Variants in CCSER1 observed in about 807,000 individuals in gnomAD.
CCSER1 encodes coiled-coil serine rich protein 1.
Under a neutral mutation model 82.0 loss-of-function variants are expected in CCSER1, and 41 were observed. The ratio of observed to expected loss-of-function variants is 0.50; its 90% CI spans 0.39 to 0.65. The LOEUF is 0.65. Among genes scored for constraint, CCSER1 ranks in the 30% least tolerant of loss-of-function variants. The pLI, the probability that CCSER1 is intolerant of heterozygous loss-of-function variation, is 0.00. For synonymous variants in CCSER1, 414 were observed against 383.9 expected (o/e 1.08, Z -0.92); for missense variants, 1,119 against 1,064.2 (o/e 1.05, Z -0.72).
At chr4:90,347,068 A>G (rs577053952) in intron 3 of CCSER1, among the ~76,000 whole-genome samples, 152 of 152,236 alleles carry the variant, frequency 1.0e-3, no homozygotes, top group African/African-American at 3.6e-3. Flanking sequence ...TAAAGAAATA[A>G]GGTTATTTTG....
intron 10 of CCSER1, among the ~76,000 whole-genome samples, chr4:91,574,741 TAGGG>T: frequency 6.6e-6 from 1 of 151,838 alleles, no homozygotes; most frequent in African/African-American, 2.4e-5. Context: ...CCAGGGACAT[TAGGG>T]AGGGAGGAGG....
rs573076107 is a variant in CCSER1, at chr4:90,997,020, T to C, written c.2172+73573T>C. Among the ~76,000 whole-genome samples the C allele has an allele frequency of 5.9e-5, 9 of 152,300 alleles. No individual in the cohort carries two copies. The East Asian group carries it at 1.7e-3, about 29-fold the overall frequency. ...TTTCTCTGAAGTAAATACCCAAGAA[T>C]ACAATTGCTGGACTCTATGGTGTAT... On this transcript the variant is annotated intron_variant, in intron 9 of 10. Coordinates refer to ENST00000509176, the MANE Select transcript of CCSER1 (RefSeq NM_001145065.2).
intron 10 of CCSER1, among the ~76,000 whole-genome samples, chr4:91,506,382 GT>G (rs945634580): frequency 6.6e-6 from 1 of 151,546 alleles, no homozygotes; most frequent in Non-Finnish European, 1.5e-5. Flanking sequence ...CTCCAGCTTT[GT>G]TTTTTTGTTT....
chr4:91,480,857 T>C (rs1032800508), intron 10 of CCSER1, among the ~76,000 whole-genome samples: 5 of 152,186 alleles, frequency 3.3e-5, no homozygotes, highest in African/African-American at 4.8e-5. Context: ...TCAATCACTA[T>C]TGAATTCAAA....
At chr4:91,207,476 T>A (rs1358235216) in intron 10 of CCSER1, among the ~76,000 whole-genome samples, 1 of 151,768 alleles carries the variant, frequency 6.6e-6, no homozygotes, top group Non-Finnish European at 1.5e-5. Flanking sequence ...TGAGAACACA[T>A]GGTATTTGGT....
intron 10 of CCSER1, among the ~76,000 whole-genome samples, chr4:91,221,503 AT>A (rs1444077729): frequency 6.6e-6 from 1 of 152,162 alleles, no homozygotes; most frequent in Non-Finnish European, 1.5e-5. Context: ...GGTTATGCAC[AT>A]TTTCTGAGAA....
At chr4:91,354,597 C>T (rs940601005) in intron 10 of CCSER1, among the ~76,000 whole-genome samples, 14 of 152,160 alleles carry the variant, frequency 9.2e-5, no homozygotes, top group African/African-American at 2.2e-4. Flanking sequence ...ACAACTAAAC[C>T]GCCTTACAGG....
rs1278737014 is a variant in CCSER1 at position 91,471,985 on chromosome 4, A to G, written c.2218-126587A>G. Among the ~76,000 whole-genome samples the G allele has an allele frequency of 1.5e-4, 23 of 150,404 alleles. 1 individual carries two copies. In the South Asian group the frequency reaches 2.5e-3, roughly 16 times the overall value. On this transcript the variant is annotated intron_variant, in intron 10 of 10. Transcript: ENST00000509176. ...ACTCCATCTCAAAAAAAAAAAAAAA[A>G]AGAAAAAAAAGAAAAAAACTAAAGA...
Position 91,245,464 on chromosome 4 carries a change from C to T in CCSER1, c.2217+159470C>T, listed in dbSNP as rs1237764171. 2.6e-5 allele frequency among the ~76,000 whole-genome samples: 4 copies of T among 152,084 alleles called. No individual in the cohort carries two copies. In the East Asian group the frequency reaches 5.8e-4, roughly 22 times the overall value. ...TCTAATAGCAGACTTTTAGTGGAAACCTTACAGGCCAGGAGAGAGTGATAT... is the reference window on the plus strand; with the variant it reads ...TCTAATAGCAGACTTTTAGTGGAAATCTTACAGGCCAGGAGAGAGTGATAT... On this transcript the variant is annotated intron_variant, in intron 10 of 10. Coordinates refer to ENST00000509176, the MANE Select transcript of CCSER1 (RefSeq NM_001145065.2).
intron 7 of CCSER1, among the ~76,000 whole-genome samples, chr4:90,771,800 T>C (rs1752223238): frequency 6.6e-6 from 1 of 152,114 alleles, no homozygotes; most frequent in Admixed American, 6.5e-5. Context: ...AACACAGCTT[T>C]GTGTGGTGTA....
chr4:90,187,537 C>A (rs1379764477), intron 1 of CCSER1, among the ~76,000 whole-genome samples: 2 of 151,664 alleles, frequency 1.3e-5, no homozygotes, highest in Non-Finnish European at 2.9e-5. Flanking sequence ...GCTGTGGAAG[C>A]TACAATTAAA....
chr4:90,697,480 A>G (rs899971977), intron 6 of CCSER1, among the ~76,000 whole-genome samples: 4 of 152,168 alleles, frequency 2.6e-5, no homozygotes, highest in African/African-American at 9.7e-5. Context: ...AAAATAAACC[A>G]TTCTTTGTCC....
chr4:90,304,458 C>T (rs1480060401), intron 1 of CCSER1, among the ~76,000 whole-genome samples: 1 of 152,134 alleles, frequency 6.6e-6, no homozygotes, highest in Non-Finnish European at 1.5e-5. Context: ...CCATGGAATA[C>T]TATGCAGCCA....
At chr4:90,877,328 G>T (rs988495994) in intron 8 of CCSER1, among the ~76,000 whole-genome samples, 1 of 152,116 alleles carries the variant, frequency 6.6e-6, no homozygotes. Flanking sequence ...TTTTGGAGTC[G>T]ATTTGAATAA....
intron 9 of CCSER1, among the ~76,000 whole-genome samples, chr4:90,947,164 G>A (rs1342456614): frequency 1.3e-5 from 2 of 152,156 alleles, no homozygotes; most frequent in Non-Finnish European, 2.9e-5. Context: ...GGAGCAAGGA[G>A]GAGCAAATCA....
At chr4:90,824,185 T>C (rs1760131844) in intron 8 of CCSER1, among the ~76,000 whole-genome samples, 1 of 152,072 alleles carries the variant, frequency 6.6e-6, no homozygotes, top group South Asian at 2.1e-4. Context: ...ACCTACTGTG[T>C]TCTCACTCAA....
intron 1 of CCSER1, among the ~76,000 whole-genome samples, chr4:90,214,229 T>C (rs914272915): frequency 1.3e-5 from 2 of 152,100 alleles, no homozygotes; most frequent in Non-Finnish European, 2.9e-5. Context: ...GGAGATTACA[T>C]GGACAGAGTT....
chr4:91,297,110 T>G (rs1002018467), intron 10 of CCSER1, among the ~76,000 whole-genome samples: 15 of 151,780 alleles, frequency 9.9e-5, no homozygotes, highest in African/African-American at 3.6e-4. Context: ...TAAATGAGGC[T>G]TGGAAAGTAA....
intron 1 of CCSER1, among the ~76,000 whole-genome samples, chr4:90,206,553 G>A (rs529040991): frequency 6.4e-4 from 97 of 152,168 alleles, no homozygotes; most frequent in African/African-American, 2.2e-3. Context: ...TTGCACTGTG[G>A]TCTGACAGAC....
Sources: allele counts gnomAD v4.1 joint callset (sites outside exome capture counted in the v4.1 genomes callset), GRCh38; gene constraint gnomAD v4.1.1; transcripts MANE v1.5; gene names NCBI Gene and HGNC (gene_info 2026-07-23, HGNC 2026-07-21).